PACSIN2: variants seen among roughly 807,000 people sequenced by gnomAD.
PACSIN2 encodes protein kinase C and casein kinase substrate in neurons 2.
PACSIN2 carries 25 observed loss-of-function variants against 63.8 expected under a neutral mutation model. The ratio of observed to expected loss-of-function variants is 0.39; its 90% CI spans 0.29 to 0.55. The LOEUF is 0.55. PACSIN2 is among the 20% of genes least tolerant of loss of function. The pLI is 0.62. For missense variants in PACSIN2, 518 were observed against 646.9 expected (o/e 0.80, Z 2.16); for synonymous variants, 255 against 256.2 (o/e 1.00, Z 0.05).
chr22:42,887,411 A>G (rs1035843349), intron 5 of PACSIN2, among the ~76,000 whole-genome samples: 3 of 152,168 alleles, frequency 2.0e-5, no homozygotes, highest in Admixed American at 6.5e-5. Context: ...CTCATTCACA[A>G]AACAGGGATG....
At chr22:42,894,525 G>A (rs1930144741) in intron 2 of PACSIN2, among the ~76,000 whole-genome samples, 1 of 152,246 alleles carries the variant, frequency 6.6e-6, no homozygotes, top group African/African-American at 2.4e-5. Context: ...ACAGGCGTGA[G>A]GCACCGCGCC....
At chr22:42,889,708 G>T (rs866044437) in intron 4 of PACSIN2, among the ~76,000 whole-genome samples, 1 of 152,172 alleles carries the variant, frequency 6.6e-6, no homozygotes, top group East Asian at 1.9e-4. Flanking sequence ...AGCTAGGAAT[G>T]GGGGGCGAGG....
At chr22:42,966,126 C>T (rs185028665) in intron 1 of PACSIN2, among the ~76,000 whole-genome samples, 1 of 152,158 alleles carries the variant, frequency 6.6e-6, no homozygotes, top group African/African-American at 2.4e-5. Flanking sequence ...AATCCCAGCA[C>T]TTTGGGAGGC....
intron 3 of PACSIN2, 31 bp from the exon 4 acceptor site, chr22:42,891,213 C>A: frequency 6.7e-7 from 1 of 1,499,624 alleles, no homozygotes; most frequent in South Asian, 1.1e-5. Flanking sequence ...GCGGGTCACT[C>A]AGCGCCGGCC....
rs150624800 is a variant in PACSIN2, at chr22:42,883,499, T to C, written c.785+887A>G. ...CTTGACTTAGCTGGGACCTCTGCCCTGGTGAAGGCATCACAGAACCAAAGA... is the reference window on the plus strand; with the variant it reads ...CTTGACTTAGCTGGGACCTCTGCCCCGGTGAAGGCATCACAGAACCAAAGA... On this transcript the variant is annotated intron_variant, in intron 6 of 10. Transcript: ENST00000263246. 4.6e-3 allele frequency among the ~76,000 whole-genome samples: 697 copies of C among 152,354 alleles called. 4 individuals carry two copies. The highest frequency in any genetic ancestry group is 4.9e-3 in the Non-Finnish European group (336 of 68,032).
At chr22:42,946,250 G>A (rs1475368747) in intron 1 of PACSIN2, among the ~76,000 whole-genome samples, 1 of 152,198 alleles carries the variant, frequency 6.6e-6, no homozygotes, top group Non-Finnish European at 1.5e-5. Context: ...TCCAGGGTAG[G>A]GTCTCCAGAA....
intron 1 of PACSIN2, among the ~76,000 whole-genome samples, chr22:42,968,650 T>A (rs556036932): frequency 6.6e-6 from 1 of 152,184 alleles, no homozygotes; most frequent in South Asian, 2.1e-4. Flanking sequence ...TTAGTGTGAG[T>A]GGATGAGGTG....
chr22:42,923,259 C>T (rs1932312181), intron 1 of PACSIN2, among the ~76,000 whole-genome samples: 2 of 152,072 alleles, frequency 1.3e-5, no homozygotes, highest in African/African-American at 4.8e-5. Flanking sequence ...TTTAACAATC[C>T]GACTTCAGTC....
intron 2 of PACSIN2, among the ~76,000 whole-genome samples, chr22:42,910,884 A>G (rs1190088917): frequency 1.3e-5 from 2 of 151,390 alleles, no homozygotes; most frequent in Non-Finnish European, 2.9e-5. Flanking sequence ...TGCCTAGCAC[A>G]CTACAGGTAC....
chr22:43,014,364 A>ACC (rs1221610452), intron 1 of PACSIN2, among the ~76,000 whole-genome samples: 7 of 5,294 alleles, frequency 1.3e-3, no homozygotes, highest in Non-Finnish European at 1.8e-3. Flanking sequence ...ACACACACAC[A>ACC]CCACCCCCCC....
chr22:42,908,571 T>C (rs1294571170), intron 2 of PACSIN2, among the ~76,000 whole-genome samples: 2 of 152,188 alleles, frequency 1.3e-5, no homozygotes, highest in African/African-American at 2.4e-5. Flanking sequence ...AGCTGCCCCA[T>C]GCCCTGCCGT....
chr22:42,961,447 TAAAAAAAAA>T (rs10678680), intron 1 of PACSIN2, among the ~76,000 whole-genome samples: 2 of 121,216 alleles, frequency 1.6e-5, no homozygotes, highest in Admixed American at 1.8e-4. Context: ...AATGATCAAT[TAAAAAAAAA>T]AAAAAAAAAA....
At chr22:42,983,266 G>A (rs539885725) in intron 1 of PACSIN2, among the ~76,000 whole-genome samples, 2 of 146,242 alleles carry the variant, frequency 1.4e-5, no homozygotes, top group Admixed American at 7.0e-5. Context: ...GCAGTGAGTC[G>A]ACAATGTGCC....
At chr22:42,891,239 C>A in intron 3 of PACSIN2, 57 bp from the exon 4 acceptor site, 1 of 1,137,292 alleles carries the variant, frequency 8.8e-7, no homozygotes, top group South Asian at 1.3e-5. Flanking sequence ...GGGGTCTGCT[C>A]TGCTCACACC....
chr22:42,973,303 G>GC (rs1406402067), intron 1 of PACSIN2, among the ~76,000 whole-genome samples: 1 of 152,176 alleles, frequency 6.6e-6, no homozygotes, highest in African/African-American at 2.4e-5. Context: ...CACAGGTCTC[G>GC]CCCACAAGGC....
At chr22:42,903,169 A>C (rs542913676) in intron 2 of PACSIN2, among the ~76,000 whole-genome samples, 8 of 152,326 alleles carry the variant, frequency 5.3e-5, no homozygotes, top group Admixed American at 5.2e-4. Context: ...CCCACGTCCC[A>C]GGCAGCTAGA....
At chr22:42,902,224 C>A (rs914015659) in intron 2 of PACSIN2, among the ~76,000 whole-genome samples, 2 of 152,252 alleles carry the variant, frequency 1.3e-5, no homozygotes. Flanking sequence ...CTGGAGGAAG[C>A]GATGTTTGAG....
At chr22:43,010,147 T>G (rs1020482305) in intron 1 of PACSIN2, among the ~76,000 whole-genome samples, 3 of 151,702 alleles carry the variant, frequency 2.0e-5, no homozygotes, top group Non-Finnish European at 4.4e-5. Flanking sequence ...GGATTACAGG[T>G]GTGAGCCACA....
chr22:42,906,055 T>C (rs369324754), intron 2 of PACSIN2, among the ~76,000 whole-genome samples: 12 of 152,394 alleles, frequency 7.9e-5, no homozygotes, highest in East Asian at 1.9e-4. Context: ...ACAGTGGCCA[T>C]GGACAGGGAT....
Sources: allele counts gnomAD v4.1 joint callset (sites outside exome capture counted in the v4.1 genomes callset), GRCh38; gene constraint gnomAD v4.1.1; transcripts MANE v1.5; gene names NCBI Gene and HGNC (gene_info 2026-07-23, HGNC 2026-07-21).